Variants in SPMIP7 observed in about 807,000 individuals in gnomAD.
The protein encoded by SPMIP7 is sperm microtubule inner protein 7.
chr7:50,104,345 A>G, the SPMIP7 span: 13 of 1,541,612 alleles, frequency 8.4e-6, no homozygotes, highest in Non-Finnish European at 1.1e-5. Context: ...TTACTCCCTT[A>G]CAACCTCATC....
the SPMIP7 span, among the ~76,000 whole-genome samples, chr7:50,156,876 T>C: frequency 6.6e-6 from 1 of 152,034 alleles, no homozygotes; most frequent in Admixed American, 6.6e-5. Context: ...TTCTCCCCTC[T>C]CGTTCCTTTC....
the SPMIP7 span, among the ~76,000 whole-genome samples, chr7:50,147,502 A>G: frequency 6.6e-6 from 1 of 152,240 alleles, no homozygotes; most frequent in Non-Finnish European, 1.5e-5. Flanking sequence ...AGCATTTAAA[A>G]GGGTGCCTGG....
At chr7:50,128,950 G>T in the SPMIP7 span, among the ~76,000 whole-genome samples, 1 of 151,874 alleles carries the variant, frequency 6.6e-6, no homozygotes, top group Non-Finnish European at 1.5e-5. Flanking sequence ...CAGAGGGGAG[G>T]AAAACAGAAT....
chr7:50,118,173 G>A, the SPMIP7 span, among the ~76,000 whole-genome samples: 47,879 of 151,922 alleles, frequency 0.32, 8,488 homozygotes, highest in Non-Finnish European at 0.42. Flanking sequence ...ATTGGTATCC[G>A]AATGCCTGTA....
the SPMIP7 span, among the ~76,000 whole-genome samples, chr7:50,132,985 C>T: frequency 6.6e-6 from 1 of 152,074 alleles, no homozygotes; most frequent in South Asian, 2.1e-4. Flanking sequence ...GACTTTGACT[C>T]ACAGTGGGAT....
chr7:50,124,073 A>T, the SPMIP7 span, among the ~76,000 whole-genome samples: 1 of 152,172 alleles, frequency 6.6e-6, no homozygotes, highest in Non-Finnish European at 1.5e-5. Flanking sequence ...TAAAATATAA[A>T]TAGGCTGTAG....
chr7:50,152,925 G>A, the SPMIP7 span, among the ~76,000 whole-genome samples: 1 of 152,028 alleles, frequency 6.6e-6, no homozygotes, highest in Non-Finnish European at 1.5e-5. Context: ...GACCTCAAGT[G>A]ATGCTCCCGC....
At chr7:50,142,242 G>T in the SPMIP7 span, 1 of 152,110 alleles carries the variant, frequency 6.6e-6, no homozygotes, top group African/African-American at 2.4e-5. Context: ...TCTTTGATAC[G>T]TATATCTAAA....
At chr7:50,117,423 CA>C in the SPMIP7 span, 553 of 232,062 alleles carry the variant, frequency 2.4e-3, no homozygotes, top group South Asian at 4.6e-3. Context: ...TTGCACACTG[CA>C]AAAAAAAATA....
chr7:50,116,480 G>C, the SPMIP7 span, among the ~76,000 whole-genome samples: 1 of 152,198 alleles, frequency 6.6e-6, no homozygotes, highest in Non-Finnish European at 1.5e-5. Context: ...GAAACAGAAA[G>C]TTTTAAAACA....
the SPMIP7 span, among the ~76,000 whole-genome samples, chr7:50,156,059 C>A: frequency 5.3e-5 from 8 of 152,098 alleles, no homozygotes; most frequent in East Asian, 1.9e-4. Flanking sequence ...TCCTGGCAAG[C>A]GGTGGTGTTC....
At chr7:50,125,286 A>C in the SPMIP7 span, among the ~76,000 whole-genome samples, 2 of 102,718 alleles carry the variant, frequency 1.9e-5, no homozygotes, top group Non-Finnish European at 2.3e-5. Flanking sequence ...ACATATATAC[A>C]CATATATATA....
the SPMIP7 span, among the ~76,000 whole-genome samples, chr7:50,133,928 C>T: frequency 2.6e-5 from 4 of 152,150 alleles, no homozygotes; most frequent in East Asian, 7.7e-4. Flanking sequence ...GGAGTACTAC[C>T]TCATCATAAT....
the SPMIP7 span, among the ~76,000 whole-genome samples, chr7:50,154,707 A>C: frequency 1.3e-5 from 2 of 152,192 alleles, no homozygotes; most frequent in Non-Finnish European, 2.9e-5. Context: ...ATGAGGTGGT[A>C]ATTTCATTTC....
the SPMIP7 span, among the ~76,000 whole-genome samples, chr7:50,107,394 A>AAAAAAAAAAAAAAAAAAG: frequency 1.7e-5 from 1 of 59,356 alleles, no homozygotes; most frequent in African/African-American, 6.3e-5. Context: ...AAGAAAAGAA[A>AAAAAAAAAAAAAAAAAAG]AGAAAAAGAA....
the SPMIP7 span, among the ~76,000 whole-genome samples, chr7:50,153,848 C>T: frequency 6.6e-6 from 1 of 152,188 alleles, no homozygotes; most frequent in Admixed American, 6.5e-5. Context: ...CCCGACTAGC[C>T]TGTTGTAGGC....
the SPMIP7 span, among the ~76,000 whole-genome samples, chr7:50,133,235 TTGTG>T: frequency 3.2e-3 from 489 of 150,478 alleles, 1 homozygote; most frequent in African/African-American, 0.01. Flanking sequence ...GTGTGTGTGT[TTGTG>T]TGTGTGTGTG....
At chr7:50,104,630 GGAGGAGT>G in the SPMIP7 span, among the ~76,000 whole-genome samples, 1 of 152,114 alleles carries the variant, frequency 6.6e-6, no homozygotes, top group Non-Finnish European at 1.5e-5. Context: ...ATACCATGGG[GGAGGAGT>G]GAGTAGTAGA....
the SPMIP7 span, chr7:50,140,290 G>C: frequency 1.7e-6 from 1 of 571,632 alleles, no homozygotes; most frequent in Non-Finnish European, 2.9e-6. Flanking sequence ...CTTATATATT[G>C]TAACACATTT....
Sources: gnomAD v4.1 joint callset for allele counts (sites outside exome capture counted in the v4.1 genomes callset) on GRCh38, gnomAD v4.1.1 for gene constraint, MANE v1.5 for transcripts, NCBI Gene and HGNC (gene_info 2026-07-23, HGNC 2026-07-21) for gene names.